The following POLR3B variants were observed in gnomAD, a reference collection of about 807,000 sequenced individuals.
The protein encoded by POLR3B is DNA-directed RNA polymerase III subunit RPC2.
POLR3B carries 96 observed loss-of-function variants against 147.4 expected under a neutral mutation model. The ratio of observed to expected loss-of-function variants is 0.65; its 90% CI spans 0.55 to 0.77. The LOEUF is 0.77. Among genes scored for constraint, POLR3B ranks in the 30% least tolerant of loss-of-function variants. The probability of loss-of-function intolerance (pLI) is 0.00; values close to 1 mark genes in which losing one functional copy is unlikely to be tolerated. For missense variants in POLR3B, 1,036 were observed against 1,413.5 expected (o/e 0.73, Z 4.28); for synonymous variants, 461 against 485.9 (o/e 0.95, Z 0.67).
At chr12:106,405,315 A>G (rs1352210498) in intron 10 of POLR3B, among the ~76,000 whole-genome samples, 1 of 152,108 alleles carries the variant, frequency 6.6e-6, no homozygotes, top group Non-Finnish European at 1.5e-5. Context: ...GTCAGTTTGG[A>G]GAGAATTTTA....
chr12:106,480,825 A>G (rs1424078659), intron 23 of POLR3B, among the ~76,000 whole-genome samples: 1 of 152,064 alleles, frequency 6.6e-6, no homozygotes, highest in Non-Finnish European at 1.5e-5. Context: ...CTTGTGGGCA[A>G]GAAGGAAAAT....
rs2036576728 is a variant in POLR3B, at chr12:106,369,586, C to T, written c.307C>T (p.Arg103Cys). Reference protein sequence around the residue: ...VTRPVSPHECRLRDMTYSAPI... With the variant: ...VTRPVSPHECCLRDMTYSAPI... ...CAGATTCCTGATTCTCTTTCAGTGC[C>T]GTTTGAGAGACATGACATACTCTGC... The change falls in exon 6 of 28, where the codon CGT becomes TGT. Residue 103 changes from arginine to cysteine, a missense_variant. By Grantham distance (180) the Arg-to-Cys change is radical (BLOSUM62 -3). Around this residue, in one of 12 missense-constraint regions of POLR3B, gnomAD observed 150 missense variants for 145.5 expected, o/e 1.03. Coordinates refer to ENST00000228347, the MANE Select transcript of POLR3B (RefSeq NM_018082.6). The T allele has an allele frequency of 9.4e-6, 15 of 1,602,370 alleles. No individual in the cohort carries two copies. The highest frequency in any genetic ancestry group is 1.2e-5 in the Non-Finnish European group (14 of 1,169,378).
chr12:106,496,596 G>A (rs936778995), intron 24 of POLR3B, 156 bp from the exon 25 acceptor site: 36 of 698,586 alleles, frequency 5.2e-5, no homozygotes, highest in East Asian at 1.3e-4. Flanking sequence ...ATTGAGAGGC[G>A]TAAAATTAGA....
intron 19 of POLR3B, among the ~76,000 whole-genome samples, chr12:106,451,450 C>T (rs889884036): frequency 6.6e-6 from 1 of 151,676 alleles, no homozygotes; most frequent in African/African-American, 2.4e-5. Context: ...GGTGAAACCC[C>T]ATCTCTATTA....
At chr12:106,453,811 G>A (rs1327134436) in intron 19 of POLR3B, among the ~76,000 whole-genome samples, 1 of 152,126 alleles carries the variant, frequency 6.6e-6, no homozygotes, top group Non-Finnish European at 1.5e-5. Context: ...ACAATCAGGT[G>A]GAAAGACTGA....
At chr12:106,446,716 G>A (rs894074708) in intron 19 of POLR3B, among the ~76,000 whole-genome samples, 1 of 152,084 alleles carries the variant, frequency 6.6e-6, no homozygotes, top group African/African-American at 2.4e-5. Context: ...CTGACGCTAG[G>A]AAGACAAAAG....
intron 9 of POLR3B, among the ~76,000 whole-genome samples, chr12:106,386,634 G>A (rs975035379): frequency 3.3e-5 from 5 of 151,840 alleles, no homozygotes; most frequent in Non-Finnish European, 7.4e-5. Flanking sequence ...TTTGCTGGGC[G>A]TGGTGGCTCA....
chr12:106,379,937 G>C, intron 8 of POLR3B, 94 bp from the exon 9 acceptor site: 5 of 752,716 alleles, frequency 6.6e-6, no homozygotes, highest in Middle Eastern at 4.6e-4. Flanking sequence ...TTGATCAGTT[G>C]ACCCTTATTG....
chr12:106,383,701 C>T (rs183964829), intron 9 of POLR3B, among the ~76,000 whole-genome samples: 8 of 152,128 alleles, frequency 5.3e-5, no homozygotes, highest in Non-Finnish European at 1.0e-4. Flanking sequence ...ACTGATTGGC[C>T]GGGCGCAATA....
At chr12:106,461,312 C>T (rs2037931118) in intron 22 of POLR3B, among the ~76,000 whole-genome samples, 1 of 152,094 alleles carries the variant, frequency 6.6e-6, no homozygotes, top group African/African-American at 2.4e-5. Context: ...CCAGACTAGT[C>T]TCGAACTCTT....
At chr12:106,453,986 T>C (rs2037832698) in intron 19 of POLR3B, among the ~76,000 whole-genome samples, 1 of 152,238 alleles carries the variant, frequency 6.6e-6, no homozygotes, top group South Asian at 2.1e-4. Flanking sequence ...CACTCTTCCT[T>C]GCTCTCACTT....
At chr12:106,433,984 G>C (rs1034791422) in intron 16 of POLR3B, 112 bp downstream of exon 16, 1 of 867,902 alleles carries the variant, frequency 1.2e-6, no homozygotes, top group South Asian at 1.6e-5. Context: ...TCATTGTGAA[G>C]ATAAATTTAA....
At chr12:106,457,010 C>G in intron 20 of POLR3B, 128 bp from the exon 21 acceptor site, 1 of 783,456 alleles carries the variant, frequency 1.3e-6, no homozygotes, top group East Asian at 2.6e-5. Flanking sequence ...AGATTATTAT[C>G]AAATACAGAG....
intron 19 of POLR3B, among the ~76,000 whole-genome samples, chr12:106,448,173 T>A (rs564680474): frequency 2.2e-4 from 33 of 152,280 alleles, no homozygotes; most frequent in African/African-American, 6.7e-4. Flanking sequence ...AAAGTTTTTT[T>A]AATTATTATA....
intron 6 of POLR3B, among the ~76,000 whole-genome samples, chr12:106,371,934 TATAATA>T (rs1188560480): frequency 1.3e-5 from 2 of 151,852 alleles, no homozygotes; most frequent in African/African-American, 4.8e-5. Context: ...AAACTTAAAG[TATAATA>T]ATAATAAAAT....
intron 10 of POLR3B, among the ~76,000 whole-genome samples, chr12:106,401,511 AAAG>A (rs1386091179): frequency 6.6e-6 from 1 of 152,202 alleles, no homozygotes; most frequent in Non-Finnish European, 1.5e-5. Flanking sequence ...CAAAACAAAA[AAAG>A]AGAATTTTAG....
At chr12:106,426,593 G>T (rs2037439427) in intron 12 of POLR3B, among the ~76,000 whole-genome samples, 1 of 152,080 alleles carries the variant, frequency 6.6e-6, no homozygotes, top group African/African-American at 2.4e-5. Context: ...GGGATTACAG[G>T]CATGAGCCAC....
intron 23 of POLR3B, among the ~76,000 whole-genome samples, chr12:106,490,262 G>A (rs762233410): frequency 4.6e-5 from 7 of 152,140 alleles, no homozygotes; most frequent in African/African-American, 7.2e-5. Context: ...ACATTCAGCC[G>A]TGTGTATTTT....
intron 10 of POLR3B, among the ~76,000 whole-genome samples, chr12:106,400,855 T>G (rs1208775709): frequency 6.6e-6 from 1 of 152,172 alleles, no homozygotes; most frequent in Non-Finnish European, 1.5e-5. Flanking sequence ...TAGCACTAAA[T>G]GCCCACTAGA....
Sources: allele counts gnomAD v4.1 joint callset (sites outside exome capture counted in the v4.1 genomes callset), GRCh38; gene constraint gnomAD v4.1.1; regional missense constraint gnomAD v4.1.1; transcripts MANE v1.5; gene names NCBI Gene and HGNC (gene_info 2026-07-23, HGNC 2026-07-21).